PUDP: variants seen among roughly 807,000 people sequenced by gnomAD.
PUDP encodes pseudouridine 5'-phosphatase.
In PUDP, 8 loss-of-function variants were observed where a neutral mutation model predicts 9.4. That is an observed-to-expected ratio of 0.85 (90% CI 0.50 to 1.53). The LOEUF (loss-of-function observed/expected upper bound fraction) is 1.53, where lower values mean the gene tolerates loss of function less well. Among genes scored for constraint, PUDP ranks in the 40% most tolerant of loss-of-function variants. The pLI, the probability that PUDP is intolerant of heterozygous loss-of-function variation, is 0.00. For synonymous variants in PUDP, 99 were observed against 80.7 expected (o/e 1.23, Z -1.22); for missense variants, 188 against 189.7 (o/e 0.99, Z 0.05).
chrX:7,012,787 G>C (rs1929495933), intron 1 of PUDP, among the ~76,000 whole-genome samples: 1 of 111,311 alleles, frequency 9.0e-6, no homozygotes, highest in Admixed American at 9.5e-5. Flanking sequence ...GATGTATAGA[G>C]TTATTCTACA....
At chrX:6,908,049 T>C (rs1311102394) in intron 3 of PUDP, among the ~76,000 whole-genome samples, 1 of 112,280 alleles carries the variant, frequency 8.9e-6, no homozygotes, top group Non-Finnish European at 1.9e-5. Flanking sequence ...TCTAGCGACC[T>C]GCGAGGTCCA....
chrX:7,036,079 C>T (rs1440044324), intron 1 of PUDP, among the ~76,000 whole-genome samples: 2 of 112,121 alleles, frequency 1.8e-5, no homozygotes, highest in Admixed American at 1.9e-4. Flanking sequence ...GTGGCCATCA[C>T]CAGACAAAGA....
intron 3 of PUDP, among the ~76,000 whole-genome samples, chrX:6,750,462 C>G (rs1259066621): frequency 9.0e-6 from 1 of 110,729 alleles, no homozygotes; most frequent in Admixed American, 9.6e-5. Context: ...CCTGAAGAGG[C>G]AGTTCACTGT....
intron 1 of PUDP, among the ~76,000 whole-genome samples, chrX:7,120,285 T>C (rs1353515008): frequency 9.0e-6 from 1 of 110,941 alleles, no homozygotes; most frequent in Non-Finnish European, 1.9e-5. Flanking sequence ...ATTATCCAGG[T>C]GGACTCAATA....
chrX:7,003,882 A>C (rs920265620), intron 1 of PUDP, among the ~76,000 whole-genome samples: 2 of 110,808 alleles, frequency 1.8e-5, no homozygotes, highest in Non-Finnish European at 3.8e-5. Context: ...CCATGGTTTT[A>C]TTTTTATTTT....
intron 3 of PUDP, among the ~76,000 whole-genome samples, chrX:6,803,513 T>C (rs1257493848): frequency 4.4e-5 from 5 of 112,448 alleles, no homozygotes; most frequent in African/African-American, 9.7e-5. Context: ...GCCCTTTGCA[T>C]GTAAGCTAGT....
At chrX:6,963,487 G>C (rs1928737409) in intron 3 of PUDP, among the ~76,000 whole-genome samples, 1 of 111,776 alleles carries the variant, frequency 8.9e-6, no homozygotes, top group Middle Eastern at 4.2e-3. Flanking sequence ...TGTCAGGATG[G>C]AACTGAATTA....
At chrX:7,078,886 A>C (rs1183556404) in intron 2 of PUDP, among the ~76,000 whole-genome samples, 1 of 111,768 alleles carries the variant, frequency 8.9e-6, no homozygotes. Context: ...CTAACATTCA[A>C]TCAAAAATTA....
At chrX:6,816,442 T>C (rs1263389238) in intron 3 of PUDP, among the ~76,000 whole-genome samples, 4 of 103,689 alleles carry the variant, frequency 3.9e-5, no homozygotes, top group Non-Finnish European at 7.8e-5. Flanking sequence ...TACTATACCA[T>C]ATATACTATA....
At chrX:7,138,446 C>G (rs1459969982) in intron 1 of PUDP, among the ~76,000 whole-genome samples, 1 of 109,018 alleles carries the variant, frequency 9.2e-6, no homozygotes, top group Non-Finnish European at 1.9e-5. Context: ...GATCTCAGCT[C>G]ACTACAACCT....
At chrX:7,022,680 T>C (rs1359633610) in intron 1 of PUDP, among the ~76,000 whole-genome samples, 2 of 112,042 alleles carry the variant, frequency 1.8e-5, no homozygotes, top group African/African-American at 6.5e-5. Context: ...TGGGCTTCTA[T>C]TGCTTTCTCT....
chrX:7,071,674 C>T (rs1384320764), intron 3 of PUDP, among the ~76,000 whole-genome samples: 1 of 111,259 alleles, frequency 9.0e-6, no homozygotes, highest in Non-Finnish European at 1.9e-5. Context: ...GCAGAGCTGC[C>T]TCCCCCAACA....
intron 3 of PUDP, among the ~76,000 whole-genome samples, chrX:6,793,786 G>C (rs6639676): frequency 0.48 from 52,209 of 109,799 alleles, 10,502 homozygotes; most frequent in Non-Finnish European, 0.63. Flanking sequence ...ATGAGGAATA[G>C]AAAACAAGTT....
chrX:6,958,880 C>T (rs1928667793), intron 3 of PUDP, among the ~76,000 whole-genome samples: 1 of 111,745 alleles, frequency 8.9e-6, no homozygotes. Context: ...GAATTGTGTC[C>T]ATGTCCTAAG....
intron 1 of PUDP, among the ~76,000 whole-genome samples, chrX:7,018,068 A>G (rs1929576596): frequency 8.9e-6 from 1 of 111,781 alleles, no homozygotes; most frequent in Non-Finnish European, 1.9e-5. Context: ...AAGTTACCCT[A>G]TATGGTCTAG....
At chrX:7,021,470 A>G (rs1248077666) in intron 1 of PUDP, among the ~76,000 whole-genome samples, 1 of 111,669 alleles carries the variant, frequency 9.0e-6, no homozygotes, top group African/African-American at 3.3e-5. Context: ...ATTACTCAAC[A>G]CTGCCAGAGA....
intron 3 of PUDP, among the ~76,000 whole-genome samples, chrX:6,926,559 G>T (rs958670443): frequency 8.9e-6 from 1 of 111,906 alleles, no homozygotes; most frequent in East Asian, 2.8e-4. Context: ...AGGCAGCTCC[G>T]CACTAATTCA....
downstream of PUDP, chrX:7,048,797 G>A (rs1230231155): frequency 1.8e-5 from 2 of 112,133 alleles, no homozygotes; most frequent in Admixed American, 9.5e-5. Flanking sequence ...ATAAATATCC[G>A]TTTACAGTTG....
At chrX:6,761,401 A>C (rs186155527) in intron 3 of PUDP, among the ~76,000 whole-genome samples, 315 of 111,762 alleles carry the variant, frequency 2.8e-3, no homozygotes, top group Non-Finnish European at 4.8e-3. Context: ...CCTTGACACT[A>C]TTTTCTGACC....
Sources: gnomAD v4.1 joint callset for allele counts (sites outside exome capture counted in the v4.1 genomes callset) on GRCh38, gnomAD v4.1.1 for gene constraint, MANE v1.5 for transcripts, NCBI Gene and HGNC (gene_info 2026-07-23, HGNC 2026-07-21) for gene names.